Variants in CACNA2D3 observed in about 807,000 individuals in gnomAD.
CACNA2D3 encodes the protein calcium voltage-gated channel auxiliary subunit alpha2delta 3.
A neutral mutation model predicts 160.6 loss-of-function variants in CACNA2D3; 60 were observed. That is an observed-to-expected ratio of 0.37 (90% CI 0.30 to 0.46). The LOEUF (loss-of-function observed/expected upper bound fraction) is 0.46. Among genes scored for constraint, CACNA2D3 ranks in the 20% least tolerant of loss-of-function variants. The probability of loss-of-function intolerance (pLI) is 1.00; values close to 1 mark genes in which losing one functional copy is unlikely to be tolerated. For synonymous variants in CACNA2D3, 558 were observed against 492.9 expected (o/e 1.13, Z -1.75); for missense variants, 1,205 against 1,365.0 (o/e 0.88, Z 1.85).
intron 12 of CACNA2D3, among the ~76,000 whole-genome samples, chr3:54,763,629 GTGTGTGTGTGTGTGTGTATATATA>G (rs1264071569): frequency 7.6e-6 from 1 of 131,740 alleles, no homozygotes; most frequent in Non-Finnish European, 1.6e-5. Flanking sequence ...AACATATACT[GTGTGTGTGTGTGTGTGTATATATA>G]TGTGTGTGTG....
chr3:54,583,637 A>G (rs926252557), intron 9 of CACNA2D3, among the ~76,000 whole-genome samples: 7 of 152,324 alleles, frequency 4.6e-5, no homozygotes, highest in East Asian at 1.9e-4. Flanking sequence ...CAATGCTCCA[A>G]TGAGCATTTC....
chr3:54,941,058 C>T (rs1701453525), intron 27 of CACNA2D3, among the ~76,000 whole-genome samples: 1 of 152,134 alleles, frequency 6.6e-6, no homozygotes, highest in South Asian at 2.1e-4. Flanking sequence ...GTGATTAAAG[C>T]AAATCAAACA....
chr3:54,727,759 G>A (rs1325508205), intron 11 of CACNA2D3, among the ~76,000 whole-genome samples: 6 of 152,180 alleles, frequency 3.9e-5, no homozygotes, highest in African/African-American at 1.4e-4. Context: ...GCCTGTCAGT[G>A]GCTGGTGGGG....
chr3:54,203,249 T>TC (rs1250014546), intron 2 of CACNA2D3, among the ~76,000 whole-genome samples: 3 of 152,150 alleles, frequency 2.0e-5, no homozygotes, highest in Non-Finnish European at 4.4e-5. Flanking sequence ...GGTCCCCTTG[T>TC]CCCCCTCGCA....
chr3:54,311,014 C>T (rs907392542), intron 2 of CACNA2D3, among the ~76,000 whole-genome samples: 8 of 152,252 alleles, frequency 5.3e-5, no homozygotes, highest in East Asian at 1.9e-4. Context: ...GTGTTAGGAC[C>T]GCTTGCCCCT....
chr3:54,953,861 A>G (rs1701817731), intron 27 of CACNA2D3, among the ~76,000 whole-genome samples: 2 of 152,146 alleles, frequency 1.3e-5, no homozygotes, highest in Non-Finnish European at 2.9e-5. Context: ...GACCTGAGGA[A>G]AGGCCTGGGA....
chr3:54,390,801 C>T (rs1167792049), intron 4 of CACNA2D3, among the ~76,000 whole-genome samples: 3 of 152,110 alleles, frequency 2.0e-5, no homozygotes, highest in Non-Finnish European at 4.4e-5. Flanking sequence ...TGTACTGGCT[C>T]TGAATTTATT....
intron 16 of CACNA2D3, among the ~76,000 whole-genome samples, chr3:54,845,820 C>A (rs1388767205): frequency 6.6e-6 from 1 of 152,250 alleles, no homozygotes; most frequent in South Asian, 2.1e-4. Flanking sequence ...GGCAGCCACA[C>A]AATTTGAAGA....
intron 11 of CACNA2D3, among the ~76,000 whole-genome samples, chr3:54,652,564 A>C (rs935101034): frequency 3.3e-5 from 5 of 152,124 alleles, no homozygotes; most frequent in Admixed American, 1.3e-4. Flanking sequence ...TGGGGAAGGC[A>C]TTCATGGCAG....
intron 27 of CACNA2D3, among the ~76,000 whole-genome samples, chr3:54,921,388 A>G (rs1044808393): frequency 6.6e-6 from 1 of 152,168 alleles, no homozygotes; most frequent in African/African-American, 2.4e-5. Flanking sequence ...TTAGCATAAT[A>G]CCTAGCTCAG....
At chr3:55,064,941 G>A (rs1008623492) in intron 35 of CACNA2D3, among the ~76,000 whole-genome samples, 2 of 152,152 alleles carry the variant, frequency 1.3e-5, no homozygotes, top group African/African-American at 4.8e-5. Flanking sequence ...CACTTCCTTC[G>A]TTCCAACAGA....
At chr3:54,280,291 G>A (rs7637180) in intron 2 of CACNA2D3, among the ~76,000 whole-genome samples, 3 of 151,704 alleles carry the variant, frequency 2.0e-5, no homozygotes, top group Non-Finnish European at 4.4e-5. Context: ...CCATGTTAGC[G>A]AGGATGGTCT....
intron 5 of CACNA2D3, among the ~76,000 whole-genome samples, chr3:54,542,896 C>T (rs1238932698): frequency 6.6e-6 from 1 of 152,060 alleles, no homozygotes; most frequent in African/African-American, 2.4e-5. Flanking sequence ...AAATTAAAAA[C>T]AGTATTTCTA....
chr3:54,387,658 ATAAG>A (rs3028847), intron 4 of CACNA2D3, among the ~76,000 whole-genome samples: 457 of 151,262 alleles, frequency 3.0e-3, no homozygotes, highest in African/African-American at 3.9e-3. Context: ...TCTCAAATAA[ATAAG>A]TAAGTAAGTA....
intron 31 of CACNA2D3, among the ~76,000 whole-genome samples, chr3:54,997,978 C>A (rs967987317): frequency 1.3e-5 from 2 of 152,124 alleles, no homozygotes; most frequent in African/African-American, 4.8e-5. Context: ...ACTATGAGAC[C>A]TGGACTAATA....
In CACNA2D3 at chr3:54,642,251, T is replaced by A. The variant is rs1438993830; in HGVS notation, c.1167+10T>A. ...TTGGCCAGATCGAAAGGTAAGTTGA[T>A]GCTGATCCCGTCTGTGCGGTGGACT... On this transcript the variant is annotated intron_variant, in intron 11 of 37. Coordinates refer to ENST00000474759, the MANE Select transcript of CACNA2D3 (RefSeq NM_018398.3). The A allele has an allele frequency of 1.3e-6, 2 of 1,555,276 alleles. No individual in the cohort carries two copies. Among genetic ancestry groups the A allele is most frequent in the Non-Finnish European group, 1.8e-6 (2 of 1,130,882 alleles).
intron 11 of CACNA2D3, among the ~76,000 whole-genome samples, chr3:54,652,975 G>T (rs1177871938): frequency 6.6e-6 from 1 of 151,960 alleles, no homozygotes; most frequent in Non-Finnish European, 1.5e-5. Context: ...TAGAGATGGG[G>T]TTTCATCATG....
chr3:54,777,536 C>A (rs575423907), intron 13 of CACNA2D3, among the ~76,000 whole-genome samples: 1 of 152,322 alleles, frequency 6.6e-6, no homozygotes, highest in East Asian at 1.9e-4. Flanking sequence ...AATCAATTTT[C>A]ATTATGTTTA....
intron 13 of CACNA2D3, among the ~76,000 whole-genome samples, chr3:54,811,638 C>T (rs958135272): frequency 6.6e-6 from 1 of 151,912 alleles, no homozygotes; most frequent in African/African-American, 2.4e-5. Context: ...GCTGGGATTA[C>T]AGGCACACTC....
Sources: allele counts gnomAD v4.1 joint callset (sites outside exome capture counted in the v4.1 genomes callset), GRCh38; gene constraint gnomAD v4.1.1; transcripts MANE v1.5; gene names NCBI Gene and HGNC (gene_info 2026-07-23, HGNC 2026-07-21).